Variants in DIAPH2 observed in about 807,000 individuals in gnomAD.
DIAPH2 encodes the protein diaphanous related formin 2.
Under a neutral mutation model 92.7 loss-of-function variants are expected in DIAPH2, and 35 were observed. That is an observed-to-expected ratio of 0.38 (90% CI 0.29 to 0.50). The LOEUF (loss-of-function observed/expected upper bound fraction) is 0.50, where lower values mean the gene tolerates loss of function less well. DIAPH2 is among the 20% of genes least tolerant of loss of function. The probability of loss-of-function intolerance (pLI) is 0.94; values close to 1 mark genes in which losing one functional copy is unlikely to be tolerated. For synonymous variants in DIAPH2, 301 were observed against 280.4 expected (o/e 1.07, Z -0.73); for missense variants, 701 against 819.5 (o/e 0.86, Z 1.77).
intron 26 of DIAPH2, among the ~76,000 whole-genome samples, chrX:97,541,758 C>T (rs1293699471): frequency 8.9e-6 from 1 of 112,257 alleles, no homozygotes; most frequent in Non-Finnish European, 1.9e-5. Flanking sequence ...CCATGGCAGT[C>T]TGACTTCACT....
intron 1 of DIAPH2, among the ~76,000 whole-genome samples, chrX:96,687,823 C>T (rs1211390585): frequency 9.0e-6 from 1 of 111,037 alleles, no homozygotes; most frequent in Non-Finnish European, 1.9e-5. Context: ...TTCATATAAG[C>T]ATCCTCATAA....
At chrX:96,894,207 CTA>C (rs2065327151) in intron 5 of DIAPH2, among the ~76,000 whole-genome samples, 1 of 109,869 alleles carries the variant, frequency 9.1e-6, no homozygotes, top group African/African-American at 3.3e-5. Flanking sequence ...CAGATTGACT[CTA>C]TTTCTATTTT....
chrX:97,232,998 C>G (rs7063923), intron 22 of DIAPH2, among the ~76,000 whole-genome samples: 1 of 112,235 alleles, frequency 8.9e-6, no homozygotes, highest in Non-Finnish European at 1.9e-5. Flanking sequence ...TTTCTTCCTA[C>G]TAACTCTTCA....
At chrX:97,030,557 G>A (rs993362667) in intron 17 of DIAPH2, among the ~76,000 whole-genome samples, 11 of 110,678 alleles carry the variant, frequency 9.9e-5, no homozygotes, top group African/African-American at 3.3e-4. Flanking sequence ...ATGCCTTCTC[G>A]TGGGATACAA....
intron 22 of DIAPH2, among the ~76,000 whole-genome samples, chrX:97,204,691 A>G (rs1330374735): frequency 8.9e-6 from 1 of 112,032 alleles, no homozygotes. Flanking sequence ...CAAATGGGAA[A>G]ACAGCCCATG....
chrX:97,353,270 T>C (rs934082265), intron 24 of DIAPH2, among the ~76,000 whole-genome samples: 2 of 111,076 alleles, frequency 1.8e-5, no homozygotes, highest in Non-Finnish European at 3.8e-5. Context: ...TTTTTTTCTT[T>C]TGAGATATTT....
At chrX:97,019,759 G>C (rs2066285209) in intron 17 of DIAPH2, among the ~76,000 whole-genome samples, 1 of 90,436 alleles carries the variant, frequency 1.1e-5, no homozygotes, top group Non-Finnish European at 2.4e-5. Context: ...TTTTCACTTG[G>C]ATTTTCTAAC....
chrX:96,997,681 T>C (rs1282474972), intron 17 of DIAPH2, among the ~76,000 whole-genome samples: 1 of 111,570 alleles, frequency 9.0e-6, no homozygotes, highest in African/African-American at 3.3e-5. Flanking sequence ...GTGAGTTTCA[T>C]AGGTCTTATG....
chrX:97,038,976 T>C (rs1055226330), intron 17 of DIAPH2, among the ~76,000 whole-genome samples: 4 of 111,658 alleles, frequency 3.6e-5, no homozygotes, highest in African/African-American at 1.3e-4. Context: ...ATGAGTTGTT[T>C]TGAACTCTTG....
At chrX:97,101,742 C>T (rs951448556) in intron 20 of DIAPH2, among the ~76,000 whole-genome samples, 1 of 112,021 alleles carries the variant, frequency 8.9e-6, no homozygotes, top group Non-Finnish European at 1.9e-5. Flanking sequence ...AATTGAATTA[C>T]AGGACAATTA....
intron 19 of DIAPH2, among the ~76,000 whole-genome samples, chrX:97,083,386 C>T (rs901092532): frequency 1.8e-5 from 2 of 112,357 alleles, no homozygotes; most frequent in Non-Finnish European, 3.8e-5. Flanking sequence ...TATCCATCTT[C>T]GTGTCTTAAA....
intron 22 of DIAPH2, among the ~76,000 whole-genome samples, chrX:97,199,863 G>A (rs1280597492): frequency 9.0e-6 from 1 of 111,209 alleles, no homozygotes; most frequent in African/African-American, 3.3e-5. Flanking sequence ...CTTTTTAAAG[G>A]TTACCTACTT....
At chrX:96,842,549 G>A (rs970444979) in intron 4 of DIAPH2, among the ~76,000 whole-genome samples, 1 of 112,266 alleles carries the variant, frequency 8.9e-6, no homozygotes, top group Middle Eastern at 4.2e-3. Flanking sequence ...CATTTCCATA[G>A]GAGGAGGAAA....
intron 1 of DIAPH2, among the ~76,000 whole-genome samples, chrX:96,726,960 C>T (rs778618565): frequency 8.9e-6 from 1 of 112,086 alleles, no homozygotes; most frequent in African/African-American, 3.2e-5. Context: ...TTGATTCCTT[C>T]TTTAGTTTAT....
intron 17 of DIAPH2, among the ~76,000 whole-genome samples, chrX:97,052,959 C>T (rs2066530858): frequency 1.8e-5 from 2 of 110,744 alleles, no homozygotes; most frequent in Non-Finnish European, 3.8e-5. Flanking sequence ...TGAAGGCTGG[C>T]TTTGGACTAG....
intron 25 of DIAPH2, among the ~76,000 whole-genome samples, chrX:97,384,981 G>A (rs1312658004): frequency 2.7e-5 from 3 of 111,026 alleles, no homozygotes; most frequent in Non-Finnish European, 5.7e-5. Context: ...TTCTAAAGAA[G>A]AGAGGGCAAA....
chrX:97,511,371 A>AAT (rs2070890927), intron 26 of DIAPH2, among the ~76,000 whole-genome samples: 1 of 72,732 alleles, frequency 1.4e-5, no homozygotes, highest in African/African-American at 6.1e-5. Context: ...GTATCCTGAG[A>AAT]CTGCTGAAGT....
chrX:96,905,492 C>T (rs1265551993), intron 5 of DIAPH2, among the ~76,000 whole-genome samples: 1 of 110,776 alleles, frequency 9.0e-6, no homozygotes, highest in Non-Finnish European at 1.9e-5. Context: ...TTTTGCTTTG[C>T]CCTGAAGAGC....
chrX:96,789,093 A>C (rs6615863), intron 4 of DIAPH2, among the ~76,000 whole-genome samples: 11,590 of 111,943 alleles, frequency 0.1, 546 homozygotes, highest in East Asian at 0.32. Flanking sequence ...ATGCACAGCC[A>C]GATCATAGGG....
Sources: gnomAD v4.1 joint callset for allele counts (sites outside exome capture counted in the v4.1 genomes callset) on GRCh38, gnomAD v4.1.1 for gene constraint, MANE v1.5 for transcripts, NCBI Gene and HGNC (gene_info 2026-07-23, HGNC 2026-07-21) for gene names.